The following EPB41L1 variants were observed in gnomAD, a reference collection of about 807,000 sequenced individuals.
EPB41L1 encodes band 4.1-like protein 1.
Under a neutral mutation model 97.8 loss-of-function variants are expected in EPB41L1, and 29 were observed. The observed-to-expected ratio is 0.30, with a 90% CI of 0.22 to 0.40. The LOEUF (loss-of-function observed/expected upper bound fraction) is 0.40, where lower values mean the gene tolerates loss of function less well. EPB41L1 is among the 10% of genes least tolerant of loss of function. EPB41L1 has a pLI of 1.00. For missense variants in EPB41L1, 812 were observed against 1,162.3 expected (o/e 0.70, Z 4.38); for synonymous variants, 383 against 459.2 (o/e 0.83, Z 2.12).
chr20:36,135,609 C>T (rs920112836), intron 2 of EPB41L1, among the ~76,000 whole-genome samples: 2 of 152,238 alleles, frequency 1.3e-5, no homozygotes, highest in East Asian at 3.8e-4. Flanking sequence ...TGGGCTTTCA[C>T]CTCTTGCCCC....
chr20:36,213,241 T>C (rs1395863878), intron 16 of EPB41L1, among the ~76,000 whole-genome samples: 1 of 151,968 alleles, frequency 6.6e-6, no homozygotes, highest in Admixed American at 6.5e-5. Flanking sequence ...CTACAAAAAA[T>C]ACAAAAATTA....
At chr20:36,163,185 T>C (rs1353354441) in intron 1 of EPB41L1, among the ~76,000 whole-genome samples, 1 of 151,808 alleles carries the variant, frequency 6.6e-6, no homozygotes, top group Non-Finnish European at 1.5e-5. Flanking sequence ...CCGAAAGTAA[T>C]ACATGCTCAT....
At chr20:36,221,169 C>T (rs552411244) in intron 19 of EPB41L1, among the ~76,000 whole-genome samples, 1 of 152,340 alleles carries the variant, frequency 6.6e-6, no homozygotes, top group South Asian at 2.1e-4. Flanking sequence ...AGCTGGGATT[C>T]CCCACAGACA....
At chr20:36,219,342 G>A (rs2063635979) in intron 18 of EPB41L1, among the ~76,000 whole-genome samples, 1 of 152,208 alleles carries the variant, frequency 6.6e-6, no homozygotes, top group African/African-American at 2.4e-5. Flanking sequence ...GTGACCCTGA[G>A]TCTGTCACTG....
At chr20:36,187,583 A>G in intron 7 of EPB41L1, 93 bp from the exon 8 acceptor site, 3 of 1,020,886 alleles carry the variant, frequency 2.9e-6, no homozygotes, top group Non-Finnish European at 4.5e-6. Context: ...TTGACTTTCT[A>G]GAATCATGGG....
chr20:36,191,060 T>C (rs2061927163), intron 11 of EPB41L1, among the ~76,000 whole-genome samples: 1 of 152,006 alleles, frequency 6.6e-6, no homozygotes, highest in Non-Finnish European at 1.5e-5. Context: ...TCTTTTGGGG[T>C]CCCAGGTTTA....
intron 16 of EPB41L1, 34 bp from the exon 17 acceptor site, chr20:36,214,323 T>C: frequency 6.3e-7 from 1 of 1,580,278 alleles, no homozygotes; most frequent in Non-Finnish European, 8.7e-7. Flanking sequence ...TATACCCAGC[T>C]CTCCCCAGCT....
Position 36,232,248 on chromosome 20 carries a change from T to A in EPB41L1, c.*2908T>A. The A allele has an allele frequency of 4.8e-6, 1 of 209,530 alleles. No individual in the cohort carries two copies. The highest frequency in any genetic ancestry group is 9.4e-6 in the Non-Finnish European group (1 of 106,492). The allele number at this position is 209,530 out of a possible 1,614,324, so 13.0% of individuals were successfully genotyped here. ...TTCCTTTTCTCTTTTTTGTTTCTCA[T>A]CCTCTCTGTGCCACCTCTCCACCCA... On this transcript the variant is annotated 3_prime_UTR_variant, in exon 22 of 22. Transcript: ENST00000338074.
Position 36,195,669 on chromosome 20 carries a change from T to A in EPB41L1, c.1485+305T>A, listed in dbSNP as rs906238270. Reference sequence around the variant, plus strand: ...ATACTTGCAGCTCACCTGCTGACCATCCCACCTGCACCACCAGCTCTTCCA... The same window carrying A: ...ATACTTGCAGCTCACCTGCTGACCAACCCACCTGCACCACCAGCTCTTCCA... On this transcript the variant is annotated intron_variant, in intron 13 of 21. Transcript: ENST00000338074. The surrounding 1 kb of genome is among the most constrained non-coding windows in gnomAD (Gnocchi z 4.6). 6.8e-6 allele frequency among the ~76,000 whole-genome samples: 1 copy of A among 146,338 alleles called. No homozygotes were observed. The highest frequency in any genetic ancestry group is 2.5e-5 in the African/African-American group (1 of 40,586).
intron 2 of EPB41L1, among the ~76,000 whole-genome samples, chr20:36,144,841 T>C (rs1225884162): frequency 2.0e-5 from 3 of 152,204 alleles, no homozygotes; most frequent in Non-Finnish European, 4.4e-5. Context: ...TTTACATGTA[T>C]TAGCTCCATT....
upstream of EPB41L1, chr20:36,153,154 G>A (rs1039620526): frequency 6.6e-6 from 3 of 454,374 alleles, no homozygotes; most frequent in Non-Finnish European, 1.3e-5. Context: ...GGACGCAATT[G>A]TATCTTGAGT....
At chr20:36,115,038 T>TA (rs1419298316) in intron 2 of EPB41L1, among the ~76,000 whole-genome samples, 2 of 152,196 alleles carry the variant, frequency 1.3e-5, no homozygotes, top group Admixed American at 1.3e-4. Context: ...ATGCCAACAA[T>TA]AATAACAATA....
rs151252891 is a variant in EPB41L1, at chr20:36,178,267, C to T, written c.447+211C>T. Among the ~76,000 whole-genome samples the T allele has an allele frequency of 2.6e-3, 389 of 152,322 alleles. 7 individuals are homozygous for T. The Middle Eastern group carries it at 0.031, about 12-fold the overall frequency. Reference sequence around the variant, plus strand: ...CACCCCCAGATGAGAATTTAGAGAGCCCTGGTCTGGCTGCTAGAGTTGCTG... The same window carrying T: ...CACCCCCAGATGAGAATTTAGAGAGTCCTGGTCTGGCTGCTAGAGTTGCTG... On this transcript the variant is annotated intron_variant, in intron 4 of 21. Transcript: ENST00000338074.
In EPB41L1 at chr20:36,195,330, C is replaced by T. The variant is rs147654123; in HGVS notation, c.1451C>T (p.Pro484Leu). ...RTPTKIKELK[P>L]EQETTPRHKQ... ...TTCCCTCCTACCACATCCCACTAGCCGGAGCAGGAAACCACGCCGAGACAC... is the reference window on the plus strand; with the variant it reads ...TTCCCTCCTACCACATCCCACTAGCTGGAGCAGGAAACCACGCCGAGACAC... The change falls in exon 13 of 22, where the codon CCG becomes CTG. Residue 484 changes from proline to leucine, a missense_variant and splice_region_variant. Transcript: ENST00000338074. This position sits in a 1 kb window ranked among gnomAD's most constrained non-coding sequence, Gnocchi z 4.6. The T allele has an allele frequency of 3.5e-3, 5,641 of 1,613,990 alleles. 11 individuals carry two copies. Among genetic ancestry groups the T allele is most frequent in the Non-Finnish European group, 4.5e-3 (5,275 of 1,179,986 alleles).
intron 18 of EPB41L1, 49 bp from the exon 19 acceptor site, chr20:36,219,712 C>G: frequency 2.6e-6 from 4 of 1,563,014 alleles, no homozygotes; most frequent in Non-Finnish European, 3.5e-6. Flanking sequence ...CCTCCAGAGC[C>G]CACTGTCCTT....
At position 36,206,974 on chromosome 20, in the gene EPB41L1, A is replaced by G; in HGVS notation, c.1669-2514A>G. The stretch of plus-strand genomic sequence containing the variant: ...TGTCAGGAAGCCAGTCAAACCAGAC[A>G]GAGGCAACTTCCCACCCAAAGAGAG... On this transcript the variant is annotated intron_variant, in intron 14 of 21. Transcript: ENST00000338074. This position sits in a 1 kb window ranked among gnomAD's most constrained non-coding sequence, Gnocchi z 5.5. 1 of 1,290,008 alleles carries G rather than the reference A, an allele frequency of 7.8e-7. No individual in the cohort carries two copies. The allele number at this position is 1,290,008 out of a possible 1,614,324, so 79.9% of individuals were successfully genotyped here.
At chr20:36,148,235 T>C (rs1232678147) in intron 2 of EPB41L1, among the ~76,000 whole-genome samples, 2 of 152,082 alleles carry the variant, frequency 1.3e-5, no homozygotes, top group African/African-American at 2.4e-5. Context: ...AAGCTCATAG[T>C]GCAATGGAAG....
At position 36,229,456 on chromosome 20, in the gene EPB41L1, T is replaced by C; in HGVS notation, c.*116T>C. The C allele has an allele frequency of 1.0e-6, 1 of 961,288 alleles. No individual in the cohort carries two copies. The highest frequency in any genetic ancestry group is 1.7e-6 in the Non-Finnish European group (1 of 586,812). 59.5% of individuals were successfully genotyped at this position (961,288 alleles called of 1,614,324 possible). ...CTGACGTCCCAGCTGCGACGTACTGTCACTGATGAGAGACTGGGAAGGGAA... is the reference window on the plus strand; with the variant it reads ...CTGACGTCCCAGCTGCGACGTACTGCCACTGATGAGAGACTGGGAAGGGAA... On this transcript the variant is annotated 3_prime_UTR_variant, in exon 22 of 22. Transcript: ENST00000338074.
At chr20:36,134,071 C>G (rs1307629955) in intron 2 of EPB41L1, among the ~76,000 whole-genome samples, 1 of 152,082 alleles carries the variant, frequency 6.6e-6, no homozygotes, top group African/African-American at 2.4e-5. Context: ...GCCTCTGCCT[C>G]CATTGTCTTT....
Sources: allele counts gnomAD v4.1 joint callset (sites outside exome capture counted in the v4.1 genomes callset), GRCh38; gene constraint gnomAD v4.1.1; non-coding constraint Gnocchi (gnomAD v3.1); transcripts MANE v1.5; gene names NCBI Gene and HGNC (gene_info 2026-07-23, HGNC 2026-07-21).